The following PRDM11 variants were observed in gnomAD, a reference collection of about 807,000 sequenced individuals.
PRDM11 encodes the protein PR domain-containing protein 11.
Under a neutral mutation model 97.8 loss-of-function variants are expected in PRDM11, and 20 were observed. That is an observed-to-expected ratio of 0.20 (90% CI 0.14 to 0.30). The LOEUF is 0.30. Among genes scored for constraint, PRDM11 ranks in the 10% least tolerant of loss-of-function variants. The probability of loss-of-function intolerance (pLI) is 1.00; values close to 1 mark genes in which losing one functional copy is unlikely to be tolerated. For missense variants in PRDM11, 1,139 were observed against 1,555.2 expected, an observed-to-expected ratio of 0.73 and a Z score of 4.50; for synonymous variants, 599 against 637.7, an observed-to-expected ratio of 0.94 and a Z score of 0.91.
upstream of PRDM11, chr11:45,095,716 C>T: frequency 2.9e-6 from 2 of 678,980 alleles, no homozygotes; most frequent in Non-Finnish European, 5.4e-6. Flanking sequence ...TTTAACCCTT[C>T]TGCTTTCTGC....
At chr11:45,157,755 G>T (rs1851836215) in intron 1 of PRDM11, among the ~76,000 whole-genome samples, 1 of 152,206 alleles carries the variant, frequency 6.6e-6, no homozygotes, top group African/African-American at 2.4e-5. Context: ...TGGGGTCATG[G>T]GCTGGCCATG....
chr11:45,170,092 C>T (rs956072161), intron 1 of PRDM11, among the ~76,000 whole-genome samples: 2 of 152,152 alleles, frequency 1.3e-5, no homozygotes, highest in African/African-American at 2.4e-5. Context: ...CCTATAATGC[C>T]AGCACTTTGG....
chr11:45,158,420 T>C (rs1429635581), intron 1 of PRDM11, among the ~76,000 whole-genome samples: 1 of 152,230 alleles, frequency 6.6e-6, no homozygotes, highest in Non-Finnish European at 1.5e-5. Flanking sequence ...CAGGCCGGGC[T>C]GTCTGGCTGC....
At position 45,227,527 on chromosome 11, in the gene PRDM11, C is replaced by G. The variant is rs752903131; in HGVS notation, c.2902C>G (p.Gln968Glu). Reference protein sequence around the residue: ...SIREKICQKTQVILAQRFDSR... With the variant: ...SIREKICQKTEVILAQRFDSR... ...CAGGGAGAAGATCTGCCAGAAGACCCAGGTCATCCTGGCTCAGAGGTTCGA... is the reference window on the plus strand; with the variant it reads ...CAGGGAGAAGATCTGCCAGAAGACCGAGGTCATCCTGGCTCAGAGGTTCGA... Residue 968 changes from glutamine to glutamate, a missense_variant, in exon 8 of 8, where the codon CAG (glutamine) becomes GAG (glutamate). Physicochemically the swap from Gln to Glu is conservative, Grantham distance 29 (BLOSUM62 2). This residue lies in a region of PRDM11 where 710 missense variants were observed against 1,044.9 expected (regional missense o/e 0.68). Coordinates refer to ENST00000683152, the MANE Select transcript of PRDM11 (RefSeq NM_001384648.1). This position sits in a 1 kb window ranked among gnomAD's most constrained non-coding sequence, Gnocchi z 8.0. The G allele has an allele frequency of 6.5e-7, 1 of 1,533,902 alleles. No homozygotes were observed. The highest frequency in any genetic ancestry group is 1.2e-5 in the South Asian group (1 of 83,964).
rs886971702 is a variant in PRDM11, at chr11:45,232,710, C to T, written c.*4551C>T. ...CCCAAGAGACTGGCACGGCCCTTCTCCTGCTTGGAGGGAAACCCATCTCCC... is the reference window on the plus strand; with the variant it reads ...CCCAAGAGACTGGCACGGCCCTTCTTCTGCTTGGAGGGAAACCCATCTCCC... On this transcript the variant is annotated 3_prime_UTR_variant, in exon 8 of 8. Coordinates refer to ENST00000683152, the MANE Select transcript of PRDM11 (RefSeq NM_001384648.1). 6.6e-6 allele frequency: 1 copy of T among 152,312 alleles called. No homozygotes were observed. The highest frequency in any genetic ancestry group is 2.4e-5 in the African/African-American group (1 of 41,446). 9.4% of individuals were successfully genotyped at this position (152,312 alleles called of 1,614,324 possible). A position where few individuals can be genotyped will look rare whatever the true frequency, so the allele number is the denominator to read the frequency against.
chr11:45,139,836 A>G (rs1590371782), intron 1 of PRDM11, among the ~76,000 whole-genome samples: 1 of 152,168 alleles, frequency 6.6e-6, no homozygotes, highest in African/African-American at 2.4e-5. Context: ...CACTCATCTT[A>G]GTGGCTCTCG....
chr11:45,169,519 T>C (rs1852150939), intron 1 of PRDM11, among the ~76,000 whole-genome samples: 1 of 152,262 alleles, frequency 6.6e-6, no homozygotes, highest in African/African-American at 2.4e-5. Context: ...TTCATTTATT[T>C]CTCATAACAG....
chr11:45,138,171 G>T (rs1852913981), intron 1 of PRDM11, among the ~76,000 whole-genome samples: 1 of 152,178 alleles, frequency 6.6e-6, no homozygotes, highest in Non-Finnish European at 1.5e-5. Context: ...CTGAAAGGGA[G>T]CCCAATGAAC....
intron 1 of PRDM11, among the ~76,000 whole-genome samples, chr11:45,125,703 G>C (rs1006957830): frequency 6.6e-6 from 1 of 152,224 alleles, no homozygotes; most frequent in African/African-American, 2.4e-5. Flanking sequence ...TGGTTTGAGA[G>C]ACAGTTTGTT....
At chr11:45,182,104 A>G (rs1476940952) in intron 2 of PRDM11, 142 bp from the exon 3 acceptor site, 5 of 760,656 alleles carry the variant, frequency 6.6e-6, no homozygotes, top group Non-Finnish European at 1.1e-5. Context: ...CACCTCCTGC[A>G]CTGAACAGCA....
At chr11:45,190,200 G>T (rs1565307388) in intron 4 of PRDM11, among the ~76,000 whole-genome samples, 2 of 151,004 alleles carry the variant, frequency 1.3e-5, no homozygotes, top group Non-Finnish European at 2.9e-5. Flanking sequence ...AGGCTGGAGT[G>T]CAGTGGCATG....
At chr11:45,212,751 G>T in intron 5 of PRDM11, 2 of 456,466 alleles carry the variant, frequency 4.4e-6, no homozygotes, top group Non-Finnish European at 8.8e-6. Context: ...GAGGTGTTCC[G>T]GCAGTTCTGC....
intron 1 of PRDM11, among the ~76,000 whole-genome samples, chr11:45,133,053 T>G (rs1319838499): frequency 1.3e-5 from 2 of 152,192 alleles, no homozygotes; most frequent in African/African-American, 4.8e-5. Context: ...AACCTTGCCT[T>G]CTCTGCCAGC....
intron 1 of PRDM11, among the ~76,000 whole-genome samples, chr11:45,139,049 T>C (rs1159659597): frequency 6.6e-6 from 1 of 152,182 alleles, no homozygotes; most frequent in Non-Finnish European, 1.5e-5. Flanking sequence ...AAAAGAGGCA[T>C]GAAAGATGAG....
chr11:45,155,423 G>A (rs1851769079), intron 1 of PRDM11, among the ~76,000 whole-genome samples: 1 of 152,192 alleles, frequency 6.6e-6, no homozygotes. Context: ...GCACCGTCAT[G>A]GCCCAAGGTA....
upstream of PRDM11, chr11:45,095,775 G>A (rs779264237): frequency 2.2e-5 from 16 of 719,988 alleles, no homozygotes; most frequent in Non-Finnish European, 3.8e-5. Context: ...TACAGCTGGG[G>A]CACCCATTTC....
At position 45,122,434 on chromosome 11, in the gene PRDM11, C is replaced by T. The variant is rs951336251; in HGVS notation, c.96+26533C>T. Among the ~76,000 whole-genome samples the T allele has an allele frequency of 2.2e-4, 33 of 151,270 alleles. 1 individual carries two copies. Among genetic ancestry groups the T allele is most frequent in the Admixed American group, 6.6e-5 (1 of 15,180 alleles). On this transcript the variant is annotated intron_variant, in intron 1 of 6. Transcript: ENST00000530656. The stretch of plus-strand genomic sequence containing the variant: ...ATACATATGCCATGTTGGTGTACTG[C>T]ACCCATTAACTCGTCATTTAGCATT...
intron 4 of PRDM11, among the ~76,000 whole-genome samples, chr11:45,185,459 T>C (rs1477898175): frequency 2.0e-5 from 3 of 152,050 alleles, no homozygotes; most frequent in Non-Finnish European, 4.4e-5. Context: ...ACAGATAAGA[T>C]CAGAAGTGGA....
At chr11:45,139,498 C>T (rs780492056) in intron 1 of PRDM11, among the ~76,000 whole-genome samples, 3 of 134,666 alleles carry the variant, frequency 2.2e-5, no homozygotes, top group Non-Finnish European at 3.0e-5. Context: ...ACCCAGGAGG[C>T]GGAGGTTGCA....
Sources: gnomAD v4.1 joint callset for allele counts (sites outside exome capture counted in the v4.1 genomes callset) on GRCh38, gnomAD v4.1.1 for gene constraint, gnomAD v4.1.1 regional missense constraint, Gnocchi (gnomAD v3.1) non-coding constraint, MANE v1.5 for transcripts, NCBI Gene and HGNC (gene_info 2026-07-23, HGNC 2026-07-21) for gene names.